Variants in DBT observed in about 807,000 individuals in gnomAD.
DBT encodes dihydrolipoamide branched chain transacylase E2, also known as lipoamide acyltransferase component of branched-chain alpha-keto acid dehydrogenase complex, mitochondrial.
In DBT, 40 loss-of-function variants were observed where a neutral mutation model predicts 51.3. The ratio of observed to expected loss-of-function variants is 0.78; its 90% CI spans 0.61 to 1.02. The LOEUF (loss-of-function observed/expected upper bound fraction) is 1.02. Ranked by LOEUF, DBT falls within the 50% of genes least tolerant of loss-of-function variation. The pLI, the probability that DBT is intolerant of heterozygous loss-of-function variation, is 0.00. For synonymous variants in DBT, 181 were observed against 190.4 expected (o/e 0.95, Z 0.41); for missense variants, 510 against 580.2 (o/e 0.88, Z 1.24).
intron 7 of DBT, 170 bp from the exon 8 acceptor site, chr1:100,210,941 C>G: frequency 7.4e-7 from 1 of 1,357,748 alleles, no homozygotes; most frequent in African/African-American, 1.5e-5. Context: ...TACCTTCAGG[C>G]CATGTGGAAC....
intron 4 of DBT, among the ~76,000 whole-genome samples, chr1:100,223,077 G>T (rs993322527): frequency 6.6e-6 from 1 of 152,098 alleles, no homozygotes; most frequent in Non-Finnish European, 1.5e-5. Context: ...ATCAAACGCA[G>T]AATTGTATTG....
At chr1:100,227,191 T>C (rs1663267669) in intron 4 of DBT, among the ~76,000 whole-genome samples, 1 of 152,224 alleles carries the variant, frequency 6.6e-6, no homozygotes, top group Non-Finnish European at 1.5e-5. Flanking sequence ...TATAATCTTA[T>C]GGGACCACTG....
intron 10 of DBT, 113 bp downstream of exon 10, chr1:100,206,117 T>C: frequency 1.4e-6 from 1 of 701,646 alleles, no homozygotes; most frequent in Non-Finnish European, 2.5e-6. Flanking sequence ...TAAGATAAAC[T>C]CAGAAACTTA....
chr1:100,208,619 C>G (rs1352776713), intron 8 of DBT, among the ~76,000 whole-genome samples: 5 of 151,800 alleles, frequency 3.3e-5, no homozygotes, highest in Non-Finnish European at 7.4e-5. Flanking sequence ...AATGAAGAGG[C>G]TGGGCACAGT....
chr1:100,239,851 C>CAAAAAAAAAAAAAAAAAAAAAAAAAAA (rs56661922), intron 2 of DBT, among the ~76,000 whole-genome samples: 2 of 111,166 alleles, frequency 1.8e-5, no homozygotes, highest in Non-Finnish European at 1.8e-5. Context: ...CAACAGAGCT[C>CAAAAAAAAAAAAAAAAAAAAAAAAAAA]AAAAAAAAAA....
intron 7 of DBT, chr1:100,213,687 G>T: frequency 1.2e-6 from 2 of 1,606,818 alleles, no homozygotes; most frequent in Non-Finnish European, 1.7e-6. Context: ...CACCAGGCTC[G>T]GCCTTTCCTA....
chr1:100,215,838 A>T, intron 6 of DBT, 145 bp downstream of exon 6: 1 of 666,166 alleles, frequency 1.5e-6, no homozygotes, highest in Non-Finnish European at 2.6e-6. Context: ...AAAAGAAAAG[A>T]AAAGAAAAAT....
Position 100,196,131 on chromosome 1 carries a change from A to T in DBT, c.*124T>A, listed in dbSNP as rs1557939022. On this transcript the variant is annotated 3_prime_UTR_variant, in exon 11 of 11. Transcript: ENST00000370132. ...AGAACAGTGACAAATATTGTGCCTT[A>T]GATCCTTAATCATACGATACAAATC... 3 of 874,322 alleles carry T rather than the reference A, an allele frequency of 3.4e-6. No homozygotes were observed. The highest frequency in any genetic ancestry group is 5.6e-6 in the Non-Finnish European group (3 of 533,034). The allele number at this position is 874,322 out of a possible 1,614,324, so 54.2% of individuals were successfully genotyped here.
Position 100,214,972 on chromosome 1 carries a change from C to T in DBT, c.784G>A (p.Ala262Thr). The stretch of plus-strand genomic sequence containing the variant: ...GCTGCAGACATAGTCTTGACCATTG[C>T]TTTTTGAAAGCCTGAAAAGCATTAA... ...KTEPIKGFQK[A>T]MVKTMSAALK... The change falls in exon 7 of 11, where the codon GCA (alanine) becomes ACA (threonine). Residue 262 changes from alanine (A) to threonine (T), a missense_variant. By Grantham distance (58) the Ala-to-Thr change is moderately conservative. Transcript: ENST00000370132. 1 of 1,609,296 alleles carries T rather than the reference C, an allele frequency of 6.2e-7. No homozygotes were observed. The highest frequency in any genetic ancestry group is 8.5e-7 in the Non-Finnish European group (1 of 1,176,268).
In DBT at chr1:100,194,218, A is replaced by C. The variant is rs1398300878; in HGVS notation, c.*2037T>G. The C allele has an allele frequency of 6.6e-6, 1 of 152,042 alleles. No individual in the cohort carries two copies. The highest frequency in any genetic ancestry group is 2.4e-5 in the African/African-American group (1 of 41,396). 9.4% of individuals were successfully genotyped at this position (152,042 alleles called of 1,614,324 possible). A position where few individuals can be genotyped will look rare whatever the true frequency, so the allele number is the denominator to read the frequency against. Reference sequence around the variant, plus strand: ...GGTCTCACTCTGTCACCCATACTGGAGGATAGTGGCACAATGACAGCTCAC... The same window carrying C: ...GGTCTCACTCTGTCACCCATACTGGCGGATAGTGGCACAATGACAGCTCAC... On this transcript the variant is annotated 3_prime_UTR_variant, in exon 11 of 11. Coordinates refer to ENST00000370132, the MANE Select transcript of DBT (RefSeq NM_001918.5).
intron 8 of DBT, 58 bp downstream of exon 8, chr1:100,210,636 A>G (rs1025710467): frequency 4.4e-6 from 7 of 1,608,992 alleles, no homozygotes; most frequent in Non-Finnish European, 5.9e-6. Flanking sequence ...CTAATCTACA[A>G]GCACATTTGC....
At chr1:100,196,876 C>T (rs1191241837) in intron 10 of DBT, 4 of 193,352 alleles carry the variant, frequency 2.1e-5, no homozygotes, top group Non-Finnish European at 4.3e-5. Context: ...CAACAACATG[C>T]TTGTGTTCTT....
chr1:100,206,875 T>G (rs1336108218), intron 8 of DBT, among the ~76,000 whole-genome samples: 1 of 152,058 alleles, frequency 6.6e-6, no homozygotes, highest in Non-Finnish European at 1.5e-5. Context: ...CCTGAGGTCA[T>G]GAGTTCAAGA....
chr1:100,198,204 ATACATGC>A (rs1661217467), intron 10 of DBT, among the ~76,000 whole-genome samples: 1 of 152,250 alleles, frequency 6.6e-6, no homozygotes, highest in Non-Finnish European at 1.5e-5. Context: ...TGAAATTCTG[ATACATGC>A]TACATGAATG....
chr1:100,213,799 CG>C (rs1557947736), intron 7 of DBT: 1 of 1,430,976 alleles, frequency 7.0e-7, no homozygotes, highest in African/African-American at 1.4e-5. Flanking sequence ...ATGTGGCACA[CG>C]CCAGCTGCGG....
chr1:100,225,928 A>G (rs1557954020), intron 4 of DBT, among the ~76,000 whole-genome samples: 1 of 151,942 alleles, frequency 6.6e-6, no homozygotes, highest in Non-Finnish European at 1.5e-5. Flanking sequence ...GTGCCCAGGA[A>G]TTCAAGGCTA....
At chr1:100,205,934 T>G (rs1661753335) in intron 10 of DBT, among the ~76,000 whole-genome samples, 1 of 151,968 alleles carries the variant, frequency 6.6e-6, no homozygotes, top group African/African-American at 2.4e-5. Context: ...TCGTGGGGTC[T>G]GGGGCTAGGG....
intron 7 of DBT, 34 bp downstream of exon 7, chr1:100,214,783 T>C (rs1662383737): frequency 6.2e-7 from 1 of 1,603,726 alleles, no homozygotes; most frequent in East Asian, 2.2e-5. Context: ...ATAAATGTCC[T>C]ACTCAAGCCT....
At chr1:100,241,998 T>C (rs1286389915) in intron 1 of DBT, among the ~76,000 whole-genome samples, 2 of 151,950 alleles carry the variant, frequency 1.3e-5, no homozygotes, top group Non-Finnish European at 2.9e-5. Context: ...TCCAGCCTGG[T>C]GACAGAGCAA....
Sources: allele counts gnomAD v4.1 joint callset (sites outside exome capture counted in the v4.1 genomes callset), GRCh38; gene constraint gnomAD v4.1.1; transcripts MANE v1.5; gene names NCBI Gene and HGNC (gene_info 2026-07-23, HGNC 2026-07-21).